Variants in ZNF277 observed in about 807,000 individuals in gnomAD.
ZNF277 encodes nuclear receptor-interacting factor 4.
A neutral mutation model predicts 60.7 loss-of-function variants in ZNF277; 55 were observed. The observed-to-expected ratio is 0.91, with a 90% CI of 0.73 to 1.13. The LOEUF (loss-of-function observed/expected upper bound fraction) is 1.13. ZNF277 is among the 50% of genes most tolerant of loss of function. The probability of loss-of-function intolerance (pLI) is 0.00; values close to 1 mark genes in which losing one functional copy is unlikely to be tolerated. For synonymous variants in ZNF277, 178 were observed against 179.3 expected (o/e 0.99, Z 0.06); for missense variants, 510 against 523.0 (o/e 0.98, Z 0.24).
chr7:112,217,565 C>G (rs1006957669), intron 1 of ZNF277, among the ~76,000 whole-genome samples: 1 of 152,134 alleles, frequency 6.6e-6, no homozygotes, highest in Non-Finnish European at 1.5e-5. Context: ...TCCAAGCTGC[C>G]GGTGTTCATT....
intron 4 of ZNF277, among the ~76,000 whole-genome samples, chr7:112,315,474 G>T (rs777672877): frequency 2.0e-5 from 3 of 152,050 alleles, no homozygotes; most frequent in Non-Finnish European, 4.4e-5. Context: ...CCATAAAAGA[G>T]AGAGAATAAA....
At chr7:112,211,057 G>T (rs565141372) in intron 1 of ZNF277, among the ~76,000 whole-genome samples, 1 of 152,072 alleles carries the variant, frequency 6.6e-6, no homozygotes, top group Non-Finnish European at 1.5e-5. Context: ...CTCCGAATGG[G>T]TGTTTAGTAG....
chr7:112,279,235 A>T (rs1398484587), intron 1 of ZNF277, among the ~76,000 whole-genome samples: 1 of 152,164 alleles, frequency 6.6e-6, no homozygotes, highest in Non-Finnish European at 1.5e-5. Flanking sequence ...GCTGGCTCAT[A>T]TGATAGTTCT....
Position 112,318,259 on chromosome 7 carries a change from A to G in ZNF277, c.543A>G (p.Glu181=). ...GCGTTTGTATGTTTTGCAATGAAGAATTCCTTGGAAACAGGTTTGCCATTT... is the reference window on the plus strand; with the variant it reads ...GCGTTTGTATGTTTTGCAATGAAGAGTTCCTTGGAAACAGGTTTGCCATTT... ...FHGVCMFCNE[E]FLGNRSVILN... The change falls in exon 5 of 12, where the codon GAA becomes GAG. Residue 181 remains glutamate, a synonymous_variant. Coordinates refer to ENST00000361822, the MANE Select transcript of ZNF277 (RefSeq NM_021994.3). 6.2e-7 allele frequency: 1 copy of G among 1,613,026 alleles called. No homozygotes were observed. Among genetic ancestry groups the G allele is most frequent in the East Asian group, 2.2e-5 (1 of 44,852 alleles).
chr7:112,309,953 G>A (rs1038474534), intron 4 of ZNF277, among the ~76,000 whole-genome samples: 1 of 152,060 alleles, frequency 6.6e-6, no homozygotes, highest in African/African-American at 2.4e-5. Context: ...CAAATACAAA[G>A]CTGCCATCGT....
chr7:112,339,939 C>A, intron 10 of ZNF277, 54 bp downstream of exon 10: 1 of 1,526,754 alleles, frequency 6.5e-7, no homozygotes, highest in Non-Finnish European at 9.0e-7. Context: ...TATAAACCAT[C>A]CTGTAAGCTA....
chr7:112,275,769 T>TTAAGG (rs10664285), intron 1 of ZNF277, among the ~76,000 whole-genome samples: 64,773 of 151,692 alleles, frequency 0.43, 17,369 homozygotes, highest in African/African-American at 0.77. Flanking sequence ...ATGAAATTGA[T>TTAAGG]TAAGAAGGTA....
intron 1 of ZNF277, among the ~76,000 whole-genome samples, chr7:112,274,209 G>A (rs12666328): frequency 0.13 from 19,397 of 151,902 alleles, 1,328 homozygotes; most frequent in Non-Finnish European, 0.15. Flanking sequence ...CCAGGCTGGC[G>A]TGAGGTGACA....
At chr7:112,329,995 T>G in intron 6 of ZNF277, 89 bp from the exon 7 acceptor site, 1 of 1,424,086 alleles carries the variant, frequency 7.0e-7, no homozygotes, top group East Asian at 2.4e-5. Flanking sequence ...TAACCTAAAA[T>G]GAATAAATAT....
At chr7:112,229,191 T>G (rs184005552) in intron 1 of ZNF277, among the ~76,000 whole-genome samples, 1 of 152,304 alleles carries the variant, frequency 6.6e-6, no homozygotes, top group Non-Finnish European at 1.5e-5. Flanking sequence ...ATAACTAGGT[T>G]AAGCTCTGAG....
intron 1 of ZNF277, among the ~76,000 whole-genome samples, chr7:112,226,869 C>A (rs1822189355): frequency 6.6e-6 from 1 of 150,486 alleles, no homozygotes; most frequent in African/African-American, 2.4e-5. Flanking sequence ...TTAGTGAAAG[C>A]TTTTTTTTTA....
chr7:112,207,751 T>A (rs1191426606), intron 1 of ZNF277, among the ~76,000 whole-genome samples: 1 of 152,182 alleles, frequency 6.6e-6, no homozygotes, highest in East Asian at 1.9e-4. Context: ...GTTGCGACTT[T>A]GTTTTTCGAT....
intron 1 of ZNF277, among the ~76,000 whole-genome samples, chr7:112,276,508 C>G (rs1376548944): frequency 6.6e-6 from 1 of 151,974 alleles, no homozygotes; most frequent in Non-Finnish European, 1.5e-5. Flanking sequence ...ACTTGTTTTC[C>G]CTGAGTCTAT....
At chr7:112,292,294 C>T (rs1386843726) in intron 2 of ZNF277, among the ~76,000 whole-genome samples, 2 of 152,196 alleles carry the variant, frequency 1.3e-5, no homozygotes, top group African/African-American at 4.8e-5. Flanking sequence ...AGTGGAACTT[C>T]TCTGCACCCT....
chr7:112,236,038 T>C (rs1790777569), intron 1 of ZNF277, among the ~76,000 whole-genome samples: 1 of 152,060 alleles, frequency 6.6e-6, no homozygotes, highest in Admixed American at 6.5e-5. Flanking sequence ...ACTGTATCAA[T>C]AGACCATATA....
intron 1 of ZNF277, among the ~76,000 whole-genome samples, chr7:112,258,512 A>AT (rs1378684734): frequency 6.6e-6 from 1 of 152,156 alleles, no homozygotes; most frequent in African/African-American, 2.4e-5. Context: ...TTAATTGGGC[A>AT]TGCTGTATTC....
At chr7:112,210,751 C>T (rs1181199044) in intron 1 of ZNF277, among the ~76,000 whole-genome samples, 2 of 152,108 alleles carry the variant, frequency 1.3e-5, no homozygotes, top group Admixed American at 6.5e-5. Context: ...GGATTACAGG[C>T]GTGAGCTACT....
At chr7:112,223,032 G>A (rs895808229) in intron 1 of ZNF277, among the ~76,000 whole-genome samples, 4 of 152,198 alleles carry the variant, frequency 2.6e-5, no homozygotes, top group Admixed American at 2.6e-4. Flanking sequence ...ACTCGGACTG[G>A]TTCTCCTTGC....
intron 1 of ZNF277, among the ~76,000 whole-genome samples, chr7:112,242,557 CAA>C (rs34058145): frequency 0.082 from 8,166 of 99,468 alleles, 274 homozygotes; most frequent in Middle Eastern, 0.14. Flanking sequence ...TAATAGCTAC[CAA>C]AAAAAAAAAA....
Sources: allele counts gnomAD v4.1 joint callset (sites outside exome capture counted in the v4.1 genomes callset), GRCh38; gene constraint gnomAD v4.1.1; transcripts MANE v1.5; gene names NCBI Gene and HGNC (gene_info 2026-07-23, HGNC 2026-07-21).